The following TOX2 variants were observed in gnomAD, a reference collection of about 807,000 sequenced individuals.
TOX2 encodes granulosa cell HMG box 1.
TOX2 carries 15 observed loss-of-function variants against 47.4 expected under a neutral mutation model. The ratio of observed to expected loss-of-function variants is 0.32; its 90% CI spans 0.21 to 0.49. TOX2 has a LOEUF of 0.49. TOX2 is among the 20% of genes least tolerant of loss of function. TOX2 has a pLI of 0.99. For synonymous variants in TOX2, 290 were observed against 296.6 expected, an observed-to-expected ratio of 0.98 and a Z score of 0.23; for missense variants, 622 against 673.1, an observed-to-expected ratio of 0.92 and a Z score of 0.84.
At chr20:43,976,574 C>T (rs142217426) in intron 2 of TOX2, among the ~76,000 whole-genome samples, 1 of 152,128 alleles carries the variant, frequency 6.6e-6, no homozygotes, top group African/African-American at 2.4e-5. Flanking sequence ...AATATTGTGG[C>T]CTTTTTACAA....
At chr20:43,973,479 G>T in intron 2 of TOX2, 47 bp downstream of exon 2, 1 of 1,589,738 alleles carries the variant, frequency 6.3e-7, no homozygotes. Flanking sequence ...ATTTGGGCTG[G>T]CTGGATCTGA....
chr20:43,976,782 GCA>G lies in TOX2; in HGVS notation c.165+3371_165+3372del, dbSNP rs11086916. Among the ~76,000 whole-genome samples the G allele has an allele frequency of 2.4e-3, 348 of 146,308 alleles. 2 individuals are homozygous for G. In the East Asian group the frequency reaches 0.031, roughly 13 times the overall value. ...TTGAACTCACAACGCGAGCGCGCGC[GCA>G]CACACACACACACACACACATACAC... On this transcript the variant is annotated intron_variant, in intron 2 of 8. Transcript: ENST00000341197.
chr20:43,947,494 G>T (rs890080780), intron 1 of TOX2, among the ~76,000 whole-genome samples: 3 of 152,196 alleles, frequency 2.0e-5, no homozygotes, highest in Non-Finnish European at 4.4e-5. Context: ...AACGGCATGT[G>T]TTTGTGTGCA....
intron 2 of TOX2, among the ~76,000 whole-genome samples, chr20:44,004,546 C>T (rs1236968719): frequency 1.3e-5 from 2 of 152,176 alleles, no homozygotes; most frequent in Non-Finnish European, 2.9e-5. Context: ...CTCTGGGTCC[C>T]AGTGGTGGGT....
chr20:44,062,034 A>G (rs1326058813), intron 5 of TOX2, among the ~76,000 whole-genome samples: 1 of 151,968 alleles, frequency 6.6e-6, no homozygotes, highest in Non-Finnish European at 1.5e-5. Flanking sequence ...GAATGGGGAA[A>G]AGTTGAAAGC....
chr20:43,922,421 A>G (rs979199476), intron 1 of TOX2, among the ~76,000 whole-genome samples: 33 of 152,206 alleles, frequency 2.2e-4, no homozygotes, highest in African/African-American at 7.5e-4. Flanking sequence ...CAGGTAAACT[A>G]GAAGATGGTG....
At chr20:43,986,765 A>C (rs1349801578) in intron 2 of TOX2, among the ~76,000 whole-genome samples, 4 of 152,158 alleles carry the variant, frequency 2.6e-5, no homozygotes, top group Non-Finnish European at 4.4e-5. Context: ...TCAACTCCAC[A>C]AATGCCTTCG....
chr20:44,053,278 A>G (rs762281952), intron 4 of TOX2, among the ~76,000 whole-genome samples: 1 of 152,126 alleles, frequency 6.6e-6, no homozygotes, highest in Non-Finnish European at 1.5e-5. Flanking sequence ...GGGCTGACGC[A>G]GTAACAGTCG....
chr20:44,048,317 CCA>C (rs1243946835), intron 3 of TOX2, among the ~76,000 whole-genome samples: 2 of 147,296 alleles, frequency 1.4e-5, no homozygotes, highest in African/African-American at 2.5e-5. Context: ...CTGATGAAAA[CCA>C]CAGAGTATAT....
At chr20:43,963,408 C>T (rs1008467266) in intron 1 of TOX2, among the ~76,000 whole-genome samples, 15 of 152,222 alleles carry the variant, frequency 9.9e-5, no homozygotes, top group African/African-American at 3.4e-4. Context: ...GTGCCCAAGG[C>T]GTTGTCCTTG....
intron 3 of TOX2, among the ~76,000 whole-genome samples, chr20:44,049,565 C>T (rs560945133): frequency 9.1e-4 from 139 of 152,288 alleles, no homozygotes; most frequent in Non-Finnish European, 1.7e-3. Flanking sequence ...ATGTGTGCCA[C>T]GGTGGTTTGC....
At chr20:44,010,049 A>G (rs2070754768) in intron 3 of TOX2, among the ~76,000 whole-genome samples, 1 of 152,250 alleles carries the variant, frequency 6.6e-6, no homozygotes, top group African/African-American at 2.4e-5. Context: ...GTAAAGTCTT[A>G]GCAAATGTCT....
chr20:43,987,649 G>A (rs756272874), intron 2 of TOX2, among the ~76,000 whole-genome samples: 15 of 152,172 alleles, frequency 9.9e-5, no homozygotes, highest in Non-Finnish European at 1.6e-4. Flanking sequence ...GTGTTAATCC[G>A]GTCACCAGGG....
At position 43,999,794 on chromosome 20, in the gene TOX2, G is replaced by A. The variant is rs78227585; in HGVS notation, c.166-6753G>A. Among the ~76,000 whole-genome samples, 1,137 of 152,310 alleles carry A rather than the reference G, an allele frequency of 7.5e-3. 18 individuals carry two copies. The highest frequency in any genetic ancestry group is 0.026 in the African/African-American group (1,094 of 41,548). On this transcript the variant is annotated intron_variant, in intron 2 of 8. Coordinates refer to ENST00000341197, the MANE Select transcript of TOX2 (RefSeq NM_001098797.2). ...AGTAATCTTGAAAAATAACAGGCTG[G>A]AGGACTCACACTTCCCAATTTCCAT... is the stretch of plus-strand genomic sequence containing the variant.
intron 1 of TOX2, among the ~76,000 whole-genome samples, chr20:43,951,705 A>ATTTTTTTTTTTTTTTTTTTT (rs1212223106): frequency 9.9e-5 from 3 of 30,388 alleles, no homozygotes; most frequent in South Asian, 1.3e-3. Flanking sequence ...TAAACTTATT[A>ATTTTTTTTTTTTTTTTTTTT]TGTTTTTTTT....
intron 4 of TOX2, among the ~76,000 whole-genome samples, chr20:44,053,463 CACACACACAT>C (rs947114473): frequency 3.4e-5 from 5 of 147,848 alleles, no homozygotes; most frequent in African/African-American, 1.0e-4. Context: ...CACACACACA[CACACACACAT>C]ATATATATAC....
At chr20:44,057,373 A>T (rs906445540) in intron 5 of TOX2, among the ~76,000 whole-genome samples, 3 of 152,234 alleles carry the variant, frequency 2.0e-5, no homozygotes, top group Non-Finnish European at 4.4e-5. Flanking sequence ...TTCACTATTA[A>T]GCATAAGGCT....
intron 1 of TOX2, among the ~76,000 whole-genome samples, chr20:43,969,686 T>C (rs1044555490): frequency 3.3e-5 from 5 of 152,208 alleles, no homozygotes; most frequent in African/African-American, 1.2e-4. Context: ...TCACTGCTGC[T>C]CCGCAGCTGG....
intron 5 of TOX2, among the ~76,000 whole-genome samples, chr20:44,056,119 T>C (rs2071611206): frequency 6.6e-6 from 1 of 152,102 alleles, no homozygotes; most frequent in African/African-American, 2.4e-5. Context: ...CTCAGGGTCA[T>C]CCTGTCTGAG....
Sources: gnomAD v4.1 joint callset for allele counts (sites outside exome capture counted in the v4.1 genomes callset) on GRCh38, gnomAD v4.1.1 for gene constraint, MANE v1.5 for transcripts, NCBI Gene and HGNC (gene_info 2026-07-23, HGNC 2026-07-21) for gene names.